RANBP2: variants seen among roughly 807,000 people sequenced by gnomAD.
RANBP2 encodes RAN binding protein 2.
In RANBP2, 57 loss-of-function variants were observed where a neutral mutation model predicts 303.6. That is an observed-to-expected ratio of 0.19 (90% CI 0.15 to 0.23). RANBP2 has a LOEUF of 0.23. Ranked by LOEUF, RANBP2 falls within the 10% of genes least tolerant of loss-of-function variation. The pLI, the probability that RANBP2 is intolerant of heterozygous loss-of-function variation, is 1.00. For synonymous variants in RANBP2, 1,167 were observed against 1,301.5 expected, an observed-to-expected ratio of 0.90 and a Z score of 2.23; for missense variants, 3,138 against 3,780.8, an observed-to-expected ratio of 0.83 and a Z score of 4.46.
At chr2:108,999,802 G>C in the RANBP2 span, among the ~76,000 whole-genome samples, 1 of 152,140 alleles carries the variant, frequency 6.6e-6, no homozygotes, top group Non-Finnish European at 1.5e-5. Context: ...GGCGGGAGGA[G>C]GCATGGGGAG....
At chr2:109,416,350 T>G in the RANBP2 span, among the ~76,000 whole-genome samples, 3 of 151,836 alleles carry the variant, frequency 2.0e-5, no homozygotes, top group African/African-American at 7.2e-5. Context: ...ATCCCAGCAC[T>G]TTGGGAGGCT....
chr2:108,729,972 G>A (rs1056591384), intron 2 of RANBP2, among the ~76,000 whole-genome samples: 6 of 151,956 alleles, frequency 3.9e-5, no homozygotes, highest in Non-Finnish European at 8.8e-5. Context: ...GCCTGCCTCG[G>A]CCTCCCGTAG....
intron 1 of RANBP2, among the ~76,000 whole-genome samples, chr2:108,726,652 T>A (rs1413374693): frequency 6.6e-6 from 1 of 151,866 alleles, no homozygotes; most frequent in Non-Finnish European, 1.5e-5. Flanking sequence ...TTTATTTTTT[T>A]ATTGATAATT....
the RANBP2 span, chr2:108,794,477 T>G: frequency 7.0e-7 from 1 of 1,434,666 alleles, no homozygotes; most frequent in Non-Finnish European, 9.5e-7. Context: ...TAAAGGTTAC[T>G]CTGAGAATAT....
the RANBP2 span, among the ~76,000 whole-genome samples, chr2:109,163,736 A>G: frequency 6.6e-6 from 1 of 152,172 alleles, no homozygotes; most frequent in Admixed American, 6.5e-5. Context: ...ACGATTCCAC[A>G]GTGAGTAACT....
chr2:108,753,728 G>A, intron 14 of RANBP2, 97 bp from the exon 15 acceptor site: 3 of 1,602,378 alleles, frequency 1.9e-6, no homozygotes, highest in African/African-American at 1.3e-5. Flanking sequence ...CAGCTCCCGA[G>A]TAGCTGGGAT....
the RANBP2 span, among the ~76,000 whole-genome samples, chr2:109,015,832 A>G: frequency 6.6e-6 from 1 of 152,236 alleles, no homozygotes; most frequent in Non-Finnish European, 1.5e-5. Flanking sequence ...ATATGTGCTA[A>G]TCAACTGTTT....
chr2:108,753,903 A>G lies in RANBP2; in HGVS notation c.2134A>G (p.Arg712Gly). The part of the protein sequence containing the change: ...EEQEECKNYL[R>G]KTRDYLIKII... ...ACAAGAAGAATGCAAAAATTATCTG[A>G]GAAAGACCAGGGACTACCTAATAAA... The change falls in exon 15 of 29, where the codon AGA becomes GGA. Residue 712 changes from arginine to glycine, a missense_variant. This residue lies in a region of RANBP2 where 194 missense variants were observed against 197.4 expected (regional missense o/e 0.98). Transcript: ENST00000283195. 1 of 1,612,046 alleles carries G rather than the reference A, an allele frequency of 6.2e-7. No homozygotes were observed. The highest frequency in any genetic ancestry group is 1.3e-5 in the African/African-American group (1 of 74,992).
At chr2:109,701,415 G>C in the RANBP2 span, among the ~76,000 whole-genome samples, 1 of 152,108 alleles carries the variant, frequency 6.6e-6, no homozygotes, top group South Asian at 2.1e-4. Context: ...AGATACATGA[G>C]ACATCAATCA....
At chr2:109,226,595 T>C in the RANBP2 span, among the ~76,000 whole-genome samples, 3 of 152,260 alleles carry the variant, frequency 2.0e-5, no homozygotes, top group Non-Finnish European at 4.4e-5. Flanking sequence ...TAGCTTTTTC[T>C]CATTGCTTCT....
the RANBP2 span, among the ~76,000 whole-genome samples, chr2:109,510,946 A>G: frequency 4.6e-5 from 7 of 152,132 alleles, no homozygotes; most frequent in Non-Finnish European, 7.4e-5. Flanking sequence ...CGTGTTAAGC[A>G]TGTACTAAGC....
At chr2:109,691,469 T>A in the RANBP2 span, among the ~76,000 whole-genome samples, 2 of 152,098 alleles carry the variant, frequency 1.3e-5, no homozygotes, top group African/African-American at 2.4e-5. Flanking sequence ...CTGAGCTGGA[T>A]CCAAGCAGGA....
At chr2:109,507,568 G>A in the RANBP2 span, among the ~76,000 whole-genome samples, 1 of 152,218 alleles carries the variant, frequency 6.6e-6, no homozygotes, top group Non-Finnish European at 1.5e-5. Context: ...TTCCCACAGT[G>A]ATAGGAGCCT....
chr2:109,195,330 G>A, the RANBP2 span, among the ~76,000 whole-genome samples: 4 of 152,164 alleles, frequency 2.6e-5, no homozygotes, highest in Non-Finnish European at 4.4e-5. Context: ...GGAAGGAGGG[G>A]TGACAGCCAG....
the RANBP2 span, among the ~76,000 whole-genome samples, chr2:108,935,082 T>C: frequency 6.6e-6 from 1 of 152,244 alleles, no homozygotes; most frequent in Non-Finnish European, 1.5e-5. Context: ...AGAGACCGCA[T>C]GACCAGGTAA....
At position 108,782,245 on chromosome 2, in the gene RANBP2, A is replaced by G. The variant is rs771173747; in HGVS notation, c.8878A>G (p.Ile2960Val). 6.2e-7 allele frequency: 1 copy of G among 1,614,206 alleles called. No homozygotes were observed. The highest frequency in any genetic ancestry group is 1.1e-5 in the South Asian group (1 of 91,092). Residue 2960 changes from isoleucine to valine, a missense_variant, in exon 27 of 29, where the codon ATT (isoleucine) becomes GTT (valine). Physicochemically the swap from Ile to Val is conservative, Grantham distance 29 (BLOSUM62 3). Coordinates refer to ENST00000283195, the MANE Select transcript of RANBP2 (RefSeq NM_006267.5). ...GGAGCGCGGTGTTGGAGATATAAAG[A>G]TTCTTTGGCATACAATGAAGAATTA... Reference protein sequence around the residue: ...WKERGVGDIKILWHTMKNYYR... With the variant: ...WKERGVGDIKVLWHTMKNYYR...
the RANBP2 span, among the ~76,000 whole-genome samples, chr2:109,464,486 A>T: frequency 6.6e-6 from 1 of 152,252 alleles, no homozygotes; most frequent in Non-Finnish European, 1.5e-5. Context: ...CTGTACACAT[A>T]TACAGATGCA....
At chr2:109,078,213 A>G in the RANBP2 span, among the ~76,000 whole-genome samples, 4 of 55,162 alleles carry the variant, frequency 7.3e-5, no homozygotes, top group Admixed American at 1.7e-4. Context: ...TATATAGCGT[A>G]TATATATATA....
chr2:109,180,051 G>T, the RANBP2 span, among the ~76,000 whole-genome samples: 1 of 152,082 alleles, frequency 6.6e-6, no homozygotes, highest in South Asian at 2.1e-4. Context: ...TGTAAGGTTT[G>T]CTCTCTGTGG....
Sources: gnomAD v4.1 joint callset for allele counts (sites outside exome capture counted in the v4.1 genomes callset) on GRCh38, gnomAD v4.1.1 for gene constraint, gnomAD v4.1.1 regional missense constraint, MANE v1.5 for transcripts, NCBI Gene and HGNC (gene_info 2026-07-23, HGNC 2026-07-21) for gene names.